The following LRP4 variants were observed in gnomAD, a reference collection of about 807,000 sequenced individuals.
The protein encoded by LRP4 is LDL receptor related protein 4.
A neutral mutation model predicts 220.3 loss-of-function variants in LRP4; 95 were observed. The observed-to-expected ratio is 0.43, with a 90% CI of 0.37 to 0.51. The LOEUF (loss-of-function observed/expected upper bound fraction) is 0.51. Ranked by LOEUF, LRP4 falls within the 20% of genes least tolerant of loss-of-function variation. The pLI is 0.00. For synonymous variants in LRP4, 903 were observed against 954.6 expected (o/e 0.95, Z 1.00); for missense variants, 1,925 against 2,567.0 (o/e 0.75, Z 5.40).
intron 18 of LRP4, 97 bp downstream of exon 18, chr11:46,885,994 G>T (rs562247471): frequency 1.9e-6 from 2 of 1,031,074 alleles, no homozygotes; most frequent in South Asian, 1.3e-5. Flanking sequence ...GACAGAAGTG[G>T]TCCAGGAGAG....
chr11:46,856,737 CTT>C lies in LRP4; in HGVS notation c.*2244_*2245del, dbSNP rs1487501890. On this transcript the variant is annotated 3_prime_UTR_variant, in exon 38 of 38. Coordinates refer to ENST00000378623, the MANE Select transcript of LRP4 (RefSeq NM_002334.4). This position sits in a 1 kb window ranked among gnomAD's most constrained non-coding sequence, Gnocchi z 4.1. ...AAAACTCCAGCAGGAACCTCACACT[CTT>C]TATTGCTCTTCACTGTGCCCACATC... 6.6e-6 allele frequency: 1 copy of C among 152,340 alleles called. No individual in the cohort carries two copies. Among genetic ancestry groups the C allele is most frequent in the Non-Finnish European group, 1.5e-5 (1 of 68,074 alleles). 9.4% of individuals were successfully genotyped at this position (152,340 alleles called of 1,614,324 possible).
chr11:46,895,335 T>C, intron 10 of LRP4, 44 bp from the exon 11 acceptor site: 9 of 1,606,346 alleles, frequency 5.6e-6, no homozygotes, highest in Non-Finnish European at 7.6e-6. Context: ...TCTGTCGTCC[T>C]CCCACTCCCG....
In LRP4 at chr11:46,894,442, T is replaced by C. The variant is rs2035068; in HGVS notation, c.1540+147A>G. The C allele has an allele frequency of 0.68, 452,204 of 668,622 alleles. 161,266 individuals are homozygous for C. Among genetic ancestry groups the C allele is most frequent in the Non-Finnish European group, 0.76 (283,890 of 374,162 alleles). 41.4% of individuals were successfully genotyped at this position (668,622 alleles called of 1,614,324 possible). On this transcript the variant is annotated intron_variant, in intron 12 of 37. Coordinates refer to ENST00000378623, the MANE Select transcript of LRP4 (RefSeq NM_002334.4). The stretch of plus-strand genomic sequence containing the variant: ...TAAAATTGATATACATTAACAAATG[T>C]TTTCTATATTAGGGCTCCAACTAAG...
chr11:46,893,184 C>A, intron 12 of LRP4, 55 bp from the exon 13 acceptor site: 1 of 1,607,256 alleles, frequency 6.2e-7, no homozygotes, highest in Non-Finnish European at 8.5e-7. Context: ...CCCCCATGTC[C>A]CATAGTAATA....
In LRP4 at chr11:46,878,945, C is replaced by T; in HGVS notation, c.3098G>A (p.Gly1033Asp). 2 of 1,614,224 alleles carry T rather than the reference C, an allele frequency of 1.2e-6. No homozygotes were observed. The highest frequency in any genetic ancestry group is 1.7e-6 in the Non-Finnish European group (2 of 1,180,044). Reference sequence around the variant, plus strand: ...CTTGCCATCAGACAGCAGGTTGATGCCTGTGGGGCAGGTACAGCTGAATCC... The same window carrying T: ...CTTGCCATCAGACAGCAGGTTGATGTCTGTGGGGCAGGTACAGCTGAATCC... ...PSGFSCTCPT[G>D]INLLSDGKTC... The change falls in exon 22 of 38, where the codon GGC (glycine) becomes GAC (aspartate). Residue 1033 changes from glycine to aspartate, a missense_variant. Transcript: ENST00000378623.
chr11:46,868,693 TCA>T lies in LRP4; in HGVS notation c.4856_4857del (p.Val1619GlufsTer22). On this transcript the variant is annotated frameshift_variant, in exon 33 of 38. Transcript: ENST00000378623. LOFTEE classifies it high-confidence loss of function. ...CAGAGGTGGGTGCAGCCACCATTGT[TCA>T]CACCACAGGCATTGGTCCCTGGAGG... is the stretch of plus-strand genomic sequence containing the variant. Reference protein sequence around the residue: ...QRQTGTNACGVNNGGCTHLCF... With the variant: ...QRQTGTNACGXNNGGCTHLCF... 2.5e-6 allele frequency: 4 copies of T among 1,613,998 alleles called. No homozygotes were observed. The highest frequency in any genetic ancestry group is 3.4e-6 in the Non-Finnish European group (4 of 1,179,858).
chr11:46,895,107 C>T, intron 11 of LRP4, 59 bp downstream of exon 11: 2 of 1,607,734 alleles, frequency 1.2e-6, no homozygotes, highest in Non-Finnish European at 1.7e-6. Flanking sequence ...CACCAGAGTA[C>T]CTGGCCTTCC....
chr11:46,860,891 A>T (rs995913808), intron 37 of LRP4: 1 of 946,080 alleles, frequency 1.1e-6, no homozygotes, highest in African/African-American at 1.8e-5. Flanking sequence ...GCAATTTGGG[A>T]AACACCACTC....
chr11:46,888,595 A>C (rs1941353338), intron 16 of LRP4, among the ~76,000 whole-genome samples: 1 of 148,334 alleles, frequency 6.7e-6, no homozygotes, highest in South Asian at 2.1e-4. Flanking sequence ...GAAAACTCAG[A>C]GAATGAAATT....
Position 46,898,897 on chromosome 11 carries a change from T to C in LRP4, c.676+7A>G. ...CTCCCCACCTCCCAGCTGGCCAGAG[T>C]ACTCACAGCAGTCAGACTCGTCTGA... is the stretch of plus-strand genomic sequence containing the variant. On this transcript the variant is annotated splice_region_variant and intron_variant, in intron 6 of 37. Transcript: ENST00000378623. 1.2e-6 allele frequency: 2 copies of C among 1,613,514 alleles called. No individual in the cohort carries two copies. Among genetic ancestry groups the C allele is most frequent in the Non-Finnish European group, 1.7e-6 (2 of 1,179,958 alleles).
intron 37 of LRP4, among the ~76,000 whole-genome samples, chr11:46,859,552 T>A (rs1429689116): frequency 1.3e-5 from 2 of 152,162 alleles, no homozygotes; most frequent in Non-Finnish European, 2.9e-5. Flanking sequence ...TGGCTTCCGG[T>A]CCTGCAGCAG....
Position 46,895,074 on chromosome 11 carries a change from C to CTACCT in LRP4, c.1309+87_1309+91dup, listed in dbSNP as rs139759723. On this transcript the variant is annotated intron_variant, in intron 11 of 37. Coordinates refer to ENST00000378623, the MANE Select transcript of LRP4 (RefSeq NM_002334.4). ...GCATTTTACTGTGACAGAAATCTCT[C>CTACCT]TACCTCTCTGCAAATCCCTGAGCAC... is the stretch of plus-strand genomic sequence containing the variant. 0.031 allele frequency: 48,458 copies of CTACCT among 1,563,136 alleles called. 909 individuals are homozygous for CTACCT. The highest frequency in any genetic ancestry group is 0.061 in the Middle Eastern group (314 of 5,172).
Position 46,875,898 on chromosome 11 carries a change from C to T in LRP4, c.3605G>A (p.Arg1202His), listed in dbSNP as rs778385797. The T allele has an allele frequency of 9.3e-6, 15 of 1,613,974 alleles. No individual in the cohort carries two copies. Among genetic ancestry groups the T allele is most frequent in the African/African-American group, 8.0e-5 (6 of 74,872 alleles). ...LERSGMDGSDRAVLINNNLGW... is the reference protein window; with the variant it reads ...LERSGMDGSDHAVLINNNLGW... ...TAGGTTGTTGTTGATGAGCACCGCG[C>T]GGTCTGAGCCATCCATTCCGGACCG... is the stretch of plus-strand genomic sequence containing the variant. Residue 1202 changes from arginine to histidine, a missense_variant, in exon 26 of 38, where the codon CGC becomes CAC. Around this residue, in one of 3 missense-constraint regions of LRP4, gnomAD observed 1,244 missense variants for 1,624.9 expected, o/e 0.77. Transcript: ENST00000378623. This position sits in a 1 kb window ranked among gnomAD's most constrained non-coding sequence, Gnocchi z 4.5.
In LRP4 at chr11:46,893,001, G is replaced by C; in HGVS notation, c.1669C>G (p.Arg557Gly). The change falls in exon 13 of 38, where the codon CGG becomes GGG. Residue 557 changes from arginine (R) to glycine (G), a missense_variant. Transcript: ENST00000378623. ...TCCATGGGATGCAAGGCAATGGCCC[G>C]GGGCTTCTCCAGGTTCTGCCACAGC... ...VLLWQNLEKP[R>G]AIALHPMEGT... The C allele has an allele frequency of 6.2e-7, 1 of 1,613,792 alleles. No homozygotes were observed. Among genetic ancestry groups the C allele is most frequent in the Non-Finnish European group, 8.5e-7 (1 of 1,179,978 alleles).
chr11:46,873,678 C>A lies in LRP4; in HGVS notation c.4230-85G>T. The A allele has an allele frequency of 9.1e-7, 1 of 1,103,140 alleles. No homozygotes were observed. The highest frequency in any genetic ancestry group is 2.4e-5 in the East Asian group (1 of 42,242). The allele number at this position is 1,103,140 out of a possible 1,614,324, so 68.3% of individuals were successfully genotyped here. On this transcript the variant is annotated intron_variant, in intron 28 of 37. Coordinates refer to ENST00000378623, the MANE Select transcript of LRP4 (RefSeq NM_002334.4). The surrounding 1 kb of genome is among the most constrained non-coding windows in gnomAD (Gnocchi z 4.2). The stretch of plus-strand genomic sequence containing the variant: ...TAACCCATGTTCCCATAACTGGACC[C>A]CACTGAACTGTAAGCTCCACAGGGA...
chr11:46,884,562 C>T (rs1941237245), intron 18 of LRP4, among the ~76,000 whole-genome samples: 1 of 151,924 alleles, frequency 6.6e-6, no homozygotes, highest in African/African-American at 2.4e-5. Context: ...TGGTGAAACC[C>T]CGTCTCTACT....
chr11:46,915,954 G>A (rs1426160301), intron 1 of LRP4, among the ~76,000 whole-genome samples: 1 of 152,092 alleles, frequency 6.6e-6, no homozygotes, highest in Non-Finnish European at 1.5e-5. Flanking sequence ...GGTATTTTTG[G>A]TTGTGCTGGT....
chr11:46,876,099 A>T (rs1016589045), intron 25 of LRP4, 133 bp from the exon 26 acceptor site: 9 of 936,966 alleles, frequency 9.6e-6, no homozygotes, highest in Non-Finnish European at 1.5e-5. Context: ...TTGACAAAGT[A>T]CTTTGCAAAA....
intron 19 of LRP4, among the ~76,000 whole-genome samples, chr11:46,882,940 A>G (rs536517527): frequency 1.3e-5 from 2 of 152,302 alleles, no homozygotes; most frequent in African/African-American, 4.8e-5. Flanking sequence ...GGCAAGCAGA[A>G]AAAAAGTCAC....
Sources: allele counts gnomAD v4.1 joint callset (sites outside exome capture counted in the v4.1 genomes callset), GRCh38; gene constraint gnomAD v4.1.1; regional missense constraint gnomAD v4.1.1; non-coding constraint Gnocchi (gnomAD v3.1); transcripts MANE v1.5; gene names NCBI Gene and HGNC (gene_info 2026-07-23, HGNC 2026-07-21).